The following KMT2A variants were observed in gnomAD, a reference collection of about 807,000 sequenced individuals.
The protein encoded by KMT2A is lysine methyltransferase 2A, also known as histone-lysine N-methyltransferase 2A.
Under a neutral mutation model 345.3 loss-of-function variants are expected in KMT2A, and 16 were observed. That is an observed-to-expected ratio of 0.05 (90% CI 0.03 to 0.07). The LOEUF (loss-of-function observed/expected upper bound fraction) is 0.07. Ranked by LOEUF, KMT2A falls within the 10% of genes least tolerant of loss-of-function variation. The pLI, the probability that KMT2A is intolerant of heterozygous loss-of-function variation, is 1.00. For missense variants in KMT2A, 3,272 were observed against 4,841.6 expected (o/e 0.68, Z 9.62); for synonymous variants, 1,599 against 1,778.6 (o/e 0.90, Z 2.54).
In KMT2A at chr11:118,471,631, A is replaced by G. The variant is rs781953449; in HGVS notation, c.503-31A>G. The G allele has an allele frequency of 1.3e-5, 19 of 1,442,768 alleles. No individual in the cohort carries two copies. In the South Asian group the frequency reaches 2.5e-4, roughly 19 times the overall value. 89.4% of individuals were successfully genotyped at this position (1,442,768 alleles called of 1,614,324 possible). A position where few individuals can be genotyped will look rare whatever the true frequency, so the allele number is the denominator to read the frequency against. On this transcript the variant is annotated intron_variant, in intron 2 of 35. Transcript: ENST00000534358. ...AAACCTAAACTACACAGCTAAATAT[A>G]TGCTCTTCATTGTTTAATTTCTATA... is the stretch of plus-strand genomic sequence containing the variant.
At chr11:118,485,947 G>A (rs899828695) in intron 10 of KMT2A, among the ~76,000 whole-genome samples, 7 of 152,330 alleles carry the variant, frequency 4.6e-5, no homozygotes, top group Admixed American at 3.9e-4. Context: ...GCCGGGTGTG[G>A]TGGCGGGCGC....
At chr11:118,499,508 G>C (rs782330796) in intron 23 of KMT2A, 88 bp downstream of exon 23, 37 of 887,536 alleles carry the variant, frequency 4.2e-5, no homozygotes, top group Non-Finnish European at 7.0e-5. Context: ...CCTCAGCCAG[G>C]TGTGGTGTCT....
At chr11:118,470,380 C>T (rs1555035196) in intron 2 of KMT2A, among the ~76,000 whole-genome samples, 1 of 152,058 alleles carries the variant, frequency 6.6e-6, no homozygotes, top group East Asian at 1.9e-4. Context: ...TTTGTTAATT[C>T]ACAACTTTTT....
intron 1 of KMT2A, among the ~76,000 whole-genome samples, chr11:118,451,656 ATTTT>A (rs34888107): frequency 7.2e-6 from 1 of 138,078 alleles, no homozygotes; most frequent in Non-Finnish European, 1.6e-5. Flanking sequence ...CCCAAAGTGA[ATTTT>A]TTTTTTTTTT....
intron 1 of KMT2A, among the ~76,000 whole-genome samples, chr11:118,441,696 T>C (rs1458957357): frequency 1.3e-5 from 2 of 152,258 alleles, no homozygotes; most frequent in Non-Finnish European, 1.5e-5. Flanking sequence ...TGGTTTATAC[T>C]GAGCATTAGA....
chr11:118,462,869 T>G (rs1949772580), intron 1 of KMT2A, among the ~76,000 whole-genome samples: 2 of 152,076 alleles, frequency 1.3e-5, no homozygotes, highest in African/African-American at 4.8e-5. Flanking sequence ...GCCTGACTAC[T>G]TATTTTTTAT....
chr11:118,494,526 T>C lies in KMT2A; in HGVS notation c.5289+128T>C, dbSNP rs558048708. Reference sequence around the variant, plus strand: ...ATAAAACATCTTTGGTTTAATTTGATCCCCTGATTCTTTGAGAGGAACTTG... The same window carrying C: ...ATAAAACATCTTTGGTTTAATTTGACCCCCTGATTCTTTGAGAGGAACTTG... On this transcript the variant is annotated intron_variant, in intron 17 of 35. Transcript: ENST00000534358. This position sits in a 1 kb window ranked among gnomAD's most constrained non-coding sequence, Gnocchi z 5.8. 1.5e-5 allele frequency: 12 copies of C among 811,904 alleles called. No homozygotes were observed. The highest frequency in any genetic ancestry group is 1.4e-4 in the African/African-American group (8 of 57,628). The allele number at this position is 811,904 out of a possible 1,614,324, so 50.3% of individuals were successfully genotyped here.
intron 1 of KMT2A, among the ~76,000 whole-genome samples, chr11:118,451,997 T>A (rs1055942061): frequency 6.6e-6 from 1 of 152,194 alleles, no homozygotes; most frequent in Non-Finnish European, 1.5e-5. Context: ...TTACACCAAA[T>A]GTAATACATG....
Position 118,517,805 on chromosome 11 carries a change from A to C in KMT2A, c.11147-1813A>C, listed in dbSNP as rs544992374. ...CAGTGAGCTATGATCATGCTACTGC[A>C]CTCCAGCCTGGGCAACAAAGTGAAA... On this transcript the variant is annotated intron_variant, in intron 31 of 35. Transcript: ENST00000534358. Among the ~76,000 whole-genome samples, 336 of 152,308 alleles carry C rather than the reference A, an allele frequency of 2.2e-3. 1 individual carries two copies. Among genetic ancestry groups the C allele is most frequent in the African/African-American group, 7.8e-3 (326 of 41,576 alleles).
chr11:118,477,900 G>A, intron 4 of KMT2A, 67 bp from the exon 5 acceptor site: 2 of 986,534 alleles, frequency 2.0e-6, no homozygotes, highest in Non-Finnish European at 3.1e-6. Flanking sequence ...TTCATTTTTG[G>A]AGTACCAATT....
At chr11:118,446,537 C>T (rs954684817) in intron 1 of KMT2A, among the ~76,000 whole-genome samples, 39 of 152,234 alleles carry the variant, frequency 2.6e-4, no homozygotes, top group African/African-American at 9.2e-4. Flanking sequence ...GATTCTTGCT[C>T]TCTACACTGT....
intron 28 of KMT2A, 28 bp downstream of exon 28, chr11:118,507,637 C>G (rs781892445): frequency 1.3e-6 from 2 of 1,573,876 alleles, no homozygotes; most frequent in African/African-American, 2.7e-5. Flanking sequence ...TCTTTTAAGA[C>G]TAAGCTCTCA....
At position 118,472,136 on chromosome 11, in the gene KMT2A, A is replaced by C; in HGVS notation, c.977A>C (p.Lys326Thr). 6.2e-7 allele frequency: 1 copy of C among 1,614,060 alleles called. No homozygotes were observed. The highest frequency in any genetic ancestry group is 8.5e-7 in the Non-Finnish European group (1 of 1,180,032). ...CTCCTCATTAATTCTGAACTGGAAA[A>C]GCCCCAGAAAGTCCGGAAAGACAAG... ...SGLLINSELE[K>T]PQKVRKDKEG... Residue 326 changes from lysine (K) to threonine (T), a missense_variant, in exon 3 of 36, where the codon AAG (lysine) becomes ACG (threonine). By Grantham distance (78) the Lys-to-Thr change is moderately conservative. This residue lies in a region of KMT2A where 412 missense variants were observed against 511.0 expected (regional missense o/e 0.81). Transcript: ENST00000534358.
intron 8 of KMT2A, 63 bp downstream of exon 8, chr11:118,482,558 C>T: frequency 2.4e-6 from 3 of 1,237,168 alleles, no homozygotes; most frequent in Non-Finnish European, 3.5e-6. Context: ...AGGGAAAAGC[C>T]TTATCCTTGA....
intron 26 of KMT2A, 100 bp downstream of exon 26, chr11:118,501,957 A>C (rs1378329230): frequency 8.5e-6 from 9 of 1,060,266 alleles, no homozygotes; most frequent in Non-Finnish European, 1.1e-5. Flanking sequence ...TTACTGATTG[A>C]AAATGTAGAT....
At chr11:118,468,398 A>G (rs1197734011) in intron 1 of KMT2A, among the ~76,000 whole-genome samples, 5 of 152,040 alleles carry the variant, frequency 3.3e-5, no homozygotes, top group African/African-American at 1.2e-4. Context: ...TTTGAAAAGC[A>G]TTTGTTTGTT....
Position 118,502,991 on chromosome 11 carries a change from G to A in KMT2A, c.7099G>A (p.Ala2367Thr), listed in dbSNP as rs2134388425. ...PSSVSFSSKE[A>T]LSFPHLHLRG... ...TTCAGTGTCGTTTTCTTCTAAAGAG[G>A]CCCTCTCCTTCCCACACCTCCATTT... Residue 2367 changes from alanine (A) to threonine (T), a missense_variant, in exon 27 of 36, where the codon GCC becomes ACC. Physicochemically the swap from Ala to Thr is moderately conservative, Grantham distance 58. Around this residue, in one of 27 missense-constraint regions of KMT2A, gnomAD observed 445 missense variants for 500.9 expected, o/e 0.89. Coordinates refer to ENST00000534358, the MANE Select transcript of KMT2A (RefSeq NM_001197104.2). This position sits in a 1 kb window ranked among gnomAD's most constrained non-coding sequence, Gnocchi z 4.9. 6.2e-7 allele frequency: 1 copy of A among 1,613,988 alleles called. No individual in the cohort carries two copies. Among genetic ancestry groups the A allele is most frequent in the Non-Finnish European group, 8.5e-7 (1 of 1,180,010 alleles).
Position 118,497,679 on chromosome 11 carries a change from T to C in KMT2A, c.5665-257T>C, listed in dbSNP as rs1950431789. On this transcript the variant is annotated intron_variant, in intron 20 of 35. Transcript: ENST00000534358. The surrounding 1 kb of genome is among the most constrained non-coding windows in gnomAD (Gnocchi z 4.8). Reference sequence around the variant, plus strand: ...TCCAAAAGTGCTGGGATTACAGACGTGAACCACCATACCCAGCTCATTTTT... The same window carrying C: ...TCCAAAAGTGCTGGGATTACAGACGCGAACCACCATACCCAGCTCATTTTT... Among the ~76,000 whole-genome samples, 1 of 152,214 alleles carries C rather than the reference T, an allele frequency of 6.6e-6. No homozygotes were observed. Among genetic ancestry groups the C allele is most frequent in the East Asian group, 1.9e-4 (1 of 5,200 alleles).
intron 3 of KMT2A, among the ~76,000 whole-genome samples, chr11:118,474,626 G>A (rs1255402090): frequency 6.6e-6 from 1 of 152,192 alleles, no homozygotes; most frequent in African/African-American, 2.4e-5. Context: ...ATGAACTAAG[G>A]TTGGGACTAT....
Sources: allele counts gnomAD v4.1 joint callset (sites outside exome capture counted in the v4.1 genomes callset), GRCh38; gene constraint gnomAD v4.1.1; regional missense constraint gnomAD v4.1.1; non-coding constraint Gnocchi (gnomAD v3.1); transcripts MANE v1.5; gene names NCBI Gene and HGNC (gene_info 2026-07-23, HGNC 2026-07-21).